The following APOBEC3H variants were observed in gnomAD, a reference collection of about 807,000 sequenced individuals.
APOBEC3H encodes the protein apolipoprotein B mRNA editing enzyme catalytic subunit 3H.
APOBEC3H carries 8 observed loss-of-function variants against 21.2 expected under a neutral mutation model. That is an observed-to-expected ratio of 0.38 (90% CI 0.22 to 0.68). The LOEUF (loss-of-function observed/expected upper bound fraction) is 0.68, where lower values mean the gene tolerates loss of function less well. APOBEC3H is among the 30% of genes least tolerant of loss of function. The pLI is 0.52. For synonymous variants in APOBEC3H, 88 were observed against 91.0 expected (o/e 0.97, Z 0.19); for missense variants, 229 against 228.1 (o/e 1.00, Z -0.03).
At position 39,102,047 on chromosome 22, in the gene APOBEC3H, G is replaced by A. The variant is rs756324108; in HGVS notation, c.543+5G>A. The A allele has an allele frequency of 3.7e-6, 6 of 1,613,158 alleles. No homozygotes were observed. Among genetic ancestry groups the A allele is most frequent in the South Asian group, 3.3e-5 (3 of 91,056 alleles). ...CGACGGCTTGAGAGGATAAAGGTGA[G>A]GCACTGTCCTGCCTGCTGCCCCCGA... On this transcript the variant is annotated splice_donor_5th_base_variant and intron_variant, in intron 4 of 4. Transcript: ENST00000442487.
intron 3 of APOBEC3H, 41 bp downstream of exon 3, chr22:39,101,545 G>A (rs755696375): frequency 5.1e-6 from 8 of 1,570,734 alleles, no homozygotes; most frequent in Admixed American, 1.7e-5. Context: ...GCAAACCCCC[G>A]GGGGCACAGG....
At position 39,103,817 on chromosome 22, in the gene APOBEC3H, C is replaced by A; in HGVS notation, c.*120C>A. The stretch of plus-strand genomic sequence containing the variant: ...GGCATGTCAGTTGCCTCATAGCCTG[C>A]TGGTCCTGTAAGCAAGCACTAAGCT... On this transcript the variant is annotated 3_prime_UTR_variant, in exon 5 of 5. Coordinates refer to ENST00000442487, the MANE Select transcript of APOBEC3H (RefSeq NM_181773.5). 7.6e-7 allele frequency: 1 copy of A among 1,317,382 alleles called. No homozygotes were observed. Among genetic ancestry groups the A allele is most frequent in the Non-Finnish European group, 1.1e-6 (1 of 910,554 alleles). 81.6% of individuals were successfully genotyped at this position (1,317,382 alleles called of 1,614,324 possible).
At chr22:39,102,065 G>A (rs1929398723) in intron 4 of APOBEC3H, 23 bp downstream of exon 4, 1 of 1,609,536 alleles carries the variant, frequency 6.2e-7, no homozygotes, top group South Asian at 1.1e-5. Flanking sequence ...CCTGCCTGCT[G>A]CCCCCGACCT....
At chr22:39,102,411 A>G (rs1453824158) in intron 4 of APOBEC3H, 15 of 696,854 alleles carry the variant, frequency 2.2e-5, no homozygotes, top group Non-Finnish European at 3.7e-5. Context: ...TGGCCTCCCA[A>G]AGTGCTGGGA....
chr22:39,100,434 ACACGGGCTCTCTGGG>A lies in APOBEC3H; in HGVS notation c.150+10_150+24del. ...GAGGCTACTTTGAAAACAAGGTGCC[ACACGGGCTCTCTGGG>A]CACAGGGCCGGCAGGGGCTAACCCC... is the stretch of plus-strand genomic sequence containing the variant. On this transcript the variant is annotated splice_region_variant and intron_variant, in intron 2 of 4. Transcript: ENST00000442487. The A allele has an allele frequency of 6.2e-7, 1 of 1,612,354 alleles. No homozygotes were observed. Among genetic ancestry groups the A allele is most frequent in the South Asian group, 1.1e-5 (1 of 91,042 alleles).
At chr22:39,102,160 C>T in intron 4 of APOBEC3H, 118 bp downstream of exon 4, 1 of 1,393,266 alleles carries the variant, frequency 7.2e-7, no homozygotes, top group Non-Finnish European at 9.5e-7. Flanking sequence ...CTTTTCTTTT[C>T]TTTTTTGAGA....
chr22:39,101,129 C>T, intron 2 of APOBEC3H, 108 bp from the exon 3 acceptor site: 1 of 542,544 alleles, frequency 1.8e-6, no homozygotes, highest in South Asian at 1.9e-5. Context: ...ACCGGACAGA[C>T]CCCTCTGCCC....
At chr22:39,101,181 T>A in intron 2 of APOBEC3H, 56 bp from the exon 3 acceptor site, 3 of 620,320 alleles carry the variant, frequency 4.8e-6, no homozygotes, top group East Asian at 8.7e-5. Flanking sequence ...CCCAGTCACA[T>A]GACTCCTGGC....
At chr22:39,100,159 C>G in intron 1 of APOBEC3H, 113 bp from the exon 2 acceptor site, 1 of 1,175,312 alleles carries the variant, frequency 8.5e-7, no homozygotes, top group Non-Finnish European at 1.2e-6. Context: ...GGCGACAGAG[C>G]GAGACTCTGT....
intron 2 of APOBEC3H, among the ~76,000 whole-genome samples, chr22:39,100,860 C>T (rs1231240287): frequency 1.3e-5 from 2 of 151,756 alleles, no homozygotes; most frequent in African/African-American, 2.4e-5. Flanking sequence ...CTCACCTGCT[C>T]TTTAGGATCA....
At chr22:39,100,208 T>G in intron 1 of APOBEC3H, 64 bp from the exon 2 acceptor site, 60 of 1,547,828 alleles carry the variant, frequency 3.9e-5, no homozygotes, top group Non-Finnish European at 4.8e-5. Flanking sequence ...AAAAGTGGCT[T>G]GAGCCTGGGG....
At chr22:39,101,825 G>C (rs1929372509) in intron 3 of APOBEC3H, 93 bp from the exon 4 acceptor site, 1 of 1,583,790 alleles carries the variant, frequency 6.3e-7, no homozygotes, top group Non-Finnish European at 8.7e-7. Context: ...AATGTCCAGG[G>C]AGAGGAAGAG....
At chr22:39,101,713 C>G (rs922676133) in intron 3 of APOBEC3H, among the ~76,000 whole-genome samples, 1 of 6,352 alleles carries the variant, frequency 1.6e-4, no homozygotes, top group South Asian at 3.1e-3. Flanking sequence ...GGGGGGGTGG[C>G]GGGGAGCGGG....
chr22:39,102,621 TG>T, intron 4 of APOBEC3H: 1 of 712,086 alleles, frequency 1.4e-6, no homozygotes, highest in East Asian at 2.7e-5. Context: ...TTTTCAACCC[TG>T]GCCCCCCTCC....
chr22:39,098,435 C>A (rs962674287), intron 1 of APOBEC3H, among the ~76,000 whole-genome samples: 1 of 151,808 alleles, frequency 6.6e-6, no homozygotes, highest in African/African-American at 2.4e-5. Flanking sequence ...GCCAGGAGTT[C>A]CAAACCAGCC....
intron 1 of APOBEC3H, among the ~76,000 whole-genome samples, chr22:39,097,912 C>T (rs1490161627): frequency 2.1e-5 from 3 of 141,734 alleles, no homozygotes; most frequent in Non-Finnish European, 4.6e-5. Context: ...TCACATTCAC[C>T]GTTTATAATG....
chr22:39,098,489 AT>A (rs1929126519), intron 1 of APOBEC3H, among the ~76,000 whole-genome samples: 1 of 152,222 alleles, frequency 6.6e-6, no homozygotes, highest in South Asian at 2.1e-4. Context: ...AACTAAAAAA[AT>A]AAAATAAAAT....
At chr22:39,097,813 G>A (rs1929089131) in intron 1 of APOBEC3H, among the ~76,000 whole-genome samples, 1 of 152,150 alleles carries the variant, frequency 6.6e-6, no homozygotes, top group Admixed American at 6.5e-5. Flanking sequence ...GAAGCACAAG[G>A]CAAATCATCT....
intron 3 of APOBEC3H, 52 bp from the exon 4 acceptor site, chr22:39,101,866 G>C: frequency 1.2e-6 from 2 of 1,613,326 alleles, no homozygotes; most frequent in South Asian, 2.2e-5. Flanking sequence ...AGAGCTCCTG[G>C]CACTGCAGCT....
Sources: allele counts gnomAD v4.1 joint callset (sites outside exome capture counted in the v4.1 genomes callset), GRCh38; gene constraint gnomAD v4.1.1; transcripts MANE v1.5; gene names NCBI Gene and HGNC (gene_info 2026-07-23, HGNC 2026-07-21).